Variants in PDHX observed in about 807,000 individuals in gnomAD.
PDHX encodes pyruvate dehydrogenase complex component X.
PDHX carries 33 observed loss-of-function variants against 55.3 expected under a neutral mutation model. That is an observed-to-expected ratio of 0.60 (90% CI 0.45 to 0.80). PDHX has a LOEUF of 0.80. PDHX is among the 30% of genes least tolerant of loss of function. The probability of loss-of-function intolerance (pLI) is 0.00; values close to 1 mark genes in which losing one functional copy is unlikely to be tolerated. For synonymous variants in PDHX, 226 were observed against 219.4 expected (o/e 1.03, Z -0.27); for missense variants, 622 against 619.9 (o/e 1.00, Z -0.04).
In PDHX at chr11:34,970,196, A is replaced by C. The variant is rs758358727; in HGVS notation, c.874A>C (p.Thr292Pro). 1 of 1,612,892 alleles carries C rather than the reference A, an allele frequency of 6.2e-7. No individual in the cohort carries two copies. The highest frequency in any genetic ancestry group is 1.1e-5 in the South Asian group (1 of 91,064). ...NIRRVIAKRLTESKSTVPHAY... is the reference protein window; with the variant it reads ...NIRRVIAKRLPESKSTVPHAY... ...TCGAAGAGTTATTGCCAAGAGATTA[A>C]CTGAATCTAAAAGTACTGTACCTCA... Residue 292 changes from threonine to proline, a missense_variant, in exon 7 of 11, where the codon ACT becomes CCT. Transcript: ENST00000227868.
chr11:34,984,503 T>A, intron 8 of PDHX, 67 bp from the exon 9 acceptor site: 5 of 1,374,678 alleles, frequency 3.6e-6, no homozygotes, highest in Non-Finnish European at 5.2e-6. Flanking sequence ...ACAATGATTT[T>A]ATTTTTCTGT....
intron 2 of PDHX, among the ~76,000 whole-genome samples, chr11:34,937,628 TGA>T (rs1284812780): frequency 6.6e-6 from 1 of 152,072 alleles, no homozygotes; most frequent in Non-Finnish European, 1.5e-5. Context: ...GACAGAAATT[TGA>T]GAGTCATCAG....
At chr11:34,948,062 A>G (rs1161554017) in intron 3 of PDHX, among the ~76,000 whole-genome samples, 1 of 152,200 alleles carries the variant, frequency 6.6e-6, no homozygotes, top group African/African-American at 2.4e-5. Flanking sequence ...TCTGCCAGTT[A>G]TTAGTTACGT....
At chr11:34,919,036 T>G (rs1441650222) in intron 1 of PDHX, among the ~76,000 whole-genome samples, 1 of 152,196 alleles carries the variant, frequency 6.6e-6, no homozygotes, top group Non-Finnish European at 1.5e-5. Context: ...TAACCTTAAT[T>G]CCCTCTTGCC....
chr11:34,962,430 G>T (rs1855038040), intron 5 of PDHX, among the ~76,000 whole-genome samples: 1 of 152,176 alleles, frequency 6.6e-6, no homozygotes, highest in Non-Finnish European at 1.5e-5. Context: ...TGATAGTTTG[G>T]TCTCCATAAA....
rs532538875 is a variant in PDHX at position 34,937,243 on chromosome 11, A to G, written c.241+5759A>G. ...GAAAAGCCAACACTGAGAACTCCTA[A>G]TCAATGTGATAATCTAAACAGATGG... On this transcript the variant is annotated intron_variant, in intron 2 of 10. Transcript: ENST00000227868. Among the ~76,000 whole-genome samples the G allele has an allele frequency of 5.8e-4, 89 of 152,220 alleles. 1 individual carries two copies. In the South Asian group the frequency reaches 0.018, roughly 31 times the overall value.
At chr11:34,947,628 C>T in intron 3 of PDHX, 22 bp downstream of exon 3, 3 of 1,456,096 alleles carry the variant, frequency 2.1e-6, no homozygotes, top group Non-Finnish European at 2.9e-6. Flanking sequence ...TTTTAATTTT[C>T]TTCAACAGGA....
At chr11:34,975,042 T>C (rs1855336197) in intron 7 of PDHX, among the ~76,000 whole-genome samples, 1 of 152,182 alleles carries the variant, frequency 6.6e-6, no homozygotes, top group African/African-American at 2.4e-5. Context: ...TTGCTGGATA[T>C]AGATTTTTCA....
intron 9 of PDHX, among the ~76,000 whole-genome samples, chr11:34,988,921 C>T (rs995050166): frequency 1.3e-5 from 2 of 152,052 alleles, no homozygotes; most frequent in African/African-American, 4.8e-5. Flanking sequence ...AATCTCTTAC[C>T]ATGCTTAATT....
At chr11:34,918,792 C>T (rs1257961259) in intron 1 of PDHX, among the ~76,000 whole-genome samples, 1 of 152,180 alleles carries the variant, frequency 6.6e-6, no homozygotes, top group African/African-American at 2.4e-5. Flanking sequence ...TTTCTGGAGG[C>T]TCGAGACCCC....
intron 2 of PDHX, among the ~76,000 whole-genome samples, chr11:34,938,187 A>G (rs920976759): frequency 1.3e-5 from 2 of 152,228 alleles, no homozygotes; most frequent in Non-Finnish European, 2.9e-5. Flanking sequence ...TGTAGCACAT[A>G]GAGACAGCAC....
chr11:34,962,726 G>C (rs1257824752), intron 5 of PDHX, among the ~76,000 whole-genome samples: 1 of 152,244 alleles, frequency 6.6e-6, no homozygotes, highest in East Asian at 1.9e-4. Flanking sequence ...CTTAAATTTG[G>C]TAATATGGTG....
At chr11:34,942,757 C>T (rs534802674) in intron 2 of PDHX, among the ~76,000 whole-genome samples, 2 of 152,110 alleles carry the variant, frequency 1.3e-5, no homozygotes, top group East Asian at 3.9e-4. Context: ...TTAAAACTTC[C>T]CTGTGATTTA....
In PDHX at chr11:34,952,352, C is replaced by A. The variant is rs901009613; in HGVS notation, c.342+4746C>A. On this transcript the variant is annotated intron_variant, in intron 3 of 10. Coordinates refer to ENST00000227868, the MANE Select transcript of PDHX (RefSeq NM_003477.3). ...CTAACTCATTTTATGAGGCCAGCAT[C>A]ATCCTGATACCAAAGCCGGGCAGAG... 4.1e-4 allele frequency among the ~76,000 whole-genome samples: 63 copies of A among 152,112 alleles called. 2 individuals are homozygous for A. The highest frequency in any genetic ancestry group is 1.5e-3 in the African/African-American group (61 of 41,430).
At chr11:34,973,972 GTC>G (rs1855311004) in intron 7 of PDHX, among the ~76,000 whole-genome samples, 1 of 152,066 alleles carries the variant, frequency 6.6e-6, no homozygotes, top group African/African-American at 2.4e-5. Flanking sequence ...GTCTGAAAAA[GTC>G]TATTTTGTCT....
chr11:34,940,646 C>T (rs923338346), intron 2 of PDHX, among the ~76,000 whole-genome samples: 1 of 152,110 alleles, frequency 6.6e-6, no homozygotes, highest in Non-Finnish European at 1.5e-5. Flanking sequence ...CAGCCATCAC[C>T]ACAATCCAGT....
rs1855082783 is a variant in PDHX at position 34,964,368 on chromosome 11, C to T, written c.642-2272C>T. On this transcript the variant is annotated intron_variant, in intron 5 of 10. Transcript: ENST00000227868. Reference sequence around the variant, plus strand: ...CCTGTAATCCCAGTGCTTTGGGAGACCAAGGCTGGCGAATCACTTGAGGCC... The same window carrying T: ...CCTGTAATCCCAGTGCTTTGGGAGATCAAGGCTGGCGAATCACTTGAGGCC... Among the ~76,000 whole-genome samples the T allele has an allele frequency of 2.6e-5, 4 of 152,216 alleles. No individual in the cohort carries two copies. The South Asian group carries it at 8.3e-4, about 32-fold the overall frequency.
intron 2 of PDHX, among the ~76,000 whole-genome samples, chr11:34,934,571 ATT>A (rs35227178): frequency 0.19 from 17,175 of 91,478 alleles, 754 homozygotes; most frequent in East Asian, 0.35. Context: ...GATATTATGG[ATT>A]TTTTTTTTTT....
chr11:34,933,981 T>C (rs183926552), intron 2 of PDHX, among the ~76,000 whole-genome samples: 21 of 152,340 alleles, frequency 1.4e-4, no homozygotes, highest in African/African-American at 5.1e-4. Flanking sequence ...TTAACTCATT[T>C]TGAAAACGTA....
Sources: gnomAD v4.1 joint callset for allele counts (sites outside exome capture counted in the v4.1 genomes callset) on GRCh38, gnomAD v4.1.1 for gene constraint, MANE v1.5 for transcripts, NCBI Gene and HGNC (gene_info 2026-07-23, HGNC 2026-07-21) for gene names.